ZZEF1: variants seen among roughly 807,000 people sequenced by gnomAD.
ZZEF1 encodes the protein zinc finger ZZ-type and EF-hand domain containing 1, also known as zinc finger ZZ-type and EF-hand domain-containing protein 1.
A neutral mutation model predicts 342.8 loss-of-function variants in ZZEF1; 157 were observed. That is an observed-to-expected ratio of 0.46 (90% CI 0.40 to 0.52). ZZEF1 has a LOEUF of 0.52. Ranked by LOEUF, ZZEF1 falls within the 20% of genes least tolerant of loss-of-function variation. ZZEF1 has a pLI of 0.00. For synonymous variants in ZZEF1, 1,505 were observed against 1,429.1 expected, an observed-to-expected ratio of 1.05 and a Z score of -1.20; for missense variants, 3,480 against 3,725.6, an observed-to-expected ratio of 0.93 and a Z score of 1.72.
intron 34 of ZZEF1, among the ~76,000 whole-genome samples, chr17:4,052,646 C>T (rs1022207806): frequency 4.6e-5 from 7 of 152,188 alleles, no homozygotes; most frequent in South Asian, 2.1e-4. Flanking sequence ...GCAGGCAGAT[C>T]GCTTGAGTCT....
intron 1 of ZZEF1, among the ~76,000 whole-genome samples, chr17:4,133,773 G>A (rs1307254178): frequency 6.6e-6 from 1 of 151,350 alleles, no homozygotes; most frequent in African/African-American, 2.4e-5. Flanking sequence ...CCAGGCTAGA[G>A]TGCAGTAGCG....
At chr17:4,051,748 A>G (rs969560278) in intron 35 of ZZEF1, among the ~76,000 whole-genome samples, 50 of 105,020 alleles carry the variant, frequency 4.8e-4, no homozygotes, top group Non-Finnish European at 7.9e-4. Context: ...TTAACACAGG[A>G]AAAAAAAAAA....
At chr17:4,117,278 T>C in intron 2 of ZZEF1, 112 bp from the exon 3 acceptor site, 1 of 750,488 alleles carries the variant, frequency 1.3e-6, no homozygotes, top group Admixed American at 3.1e-5. Context: ...ATTAACAATC[T>C]TCATTGATAT....
intron 42 of ZZEF1, among the ~76,000 whole-genome samples, chr17:4,027,924 C>T (rs890143262): frequency 6.6e-6 from 1 of 152,114 alleles, no homozygotes; most frequent in Non-Finnish European, 1.5e-5. Flanking sequence ...CAGTCATCTT[C>T]CCACCTCACT....
At chr17:4,024,752 T>A (rs1375743505) in intron 43 of ZZEF1, among the ~76,000 whole-genome samples, 167 bp downstream of exon 43, 1 of 152,236 alleles carries the variant, frequency 6.6e-6, no homozygotes, top group Non-Finnish European at 1.5e-5. Flanking sequence ...AAAATTGTAT[T>A]TCCTCTTTGA....
chr17:4,139,423 C>T (rs555384093), intron 1 of ZZEF1, among the ~76,000 whole-genome samples: 31 of 152,300 alleles, frequency 2.0e-4, no homozygotes, highest in Non-Finnish European at 2.9e-4. Flanking sequence ...AAACGAATGA[C>T]GGAAACAACT....
At position 4,008,724 on chromosome 17, in the gene ZZEF1, A is replaced by G; in HGVS notation, c.8805+159T>C. On this transcript the variant is annotated intron_variant, in intron 54 of 54. Coordinates refer to ENST00000381638, the MANE Select transcript of ZZEF1 (RefSeq NM_015113.4). This position sits in a 1 kb window ranked among gnomAD's most constrained non-coding sequence, Gnocchi z 4.2. ...AAATGGGGCTCGTGCATGCTCTCTGAGCACCAGGAGGAAGTGACTGAACTG... is the reference window on the plus strand; with the variant it reads ...AAATGGGGCTCGTGCATGCTCTCTGGGCACCAGGAGGAAGTGACTGAACTG... 7.1e-7 allele frequency: 1 copy of G among 1,412,240 alleles called. No individual in the cohort carries two copies. The highest frequency in any genetic ancestry group is 9.2e-7 in the Non-Finnish European group (1 of 1,082,574). The allele number at this position is 1,412,240 out of a possible 1,614,324, so 87.5% of individuals were successfully genotyped here.
Position 4,066,914 on chromosome 17 carries a change from G to A in ZZEF1, c.4155+249C>T, listed in dbSNP as rs117238240. Among the ~76,000 whole-genome samples the A allele has an allele frequency of 2.0e-4, 31 of 152,170 alleles. No homozygotes were observed. The East Asian group carries it at 2.9e-3, about 14-fold the overall frequency. On this transcript the variant is annotated intron_variant, in intron 27 of 54. Coordinates refer to ENST00000381638, the MANE Select transcript of ZZEF1 (RefSeq NM_015113.4). ...CTAGTATCTAAAGCGATGCTGTTCCGCCAACTCTACGGAGTTCCACGAAGG... is the reference window on the plus strand; with the variant it reads ...CTAGTATCTAAAGCGATGCTGTTCCACCAACTCTACGGAGTTCCACGAAGG...
chr17:4,049,236 G>C lies in ZZEF1; in HGVS notation c.6015+472C>G, dbSNP rs112000833. Among the ~76,000 whole-genome samples, 659 of 152,264 alleles carry C rather than the reference G, an allele frequency of 4.3e-3. 4 individuals carry two copies. Among genetic ancestry groups the C allele is most frequent in the African/African-American group, 0.015 (635 of 41,528 alleles). On this transcript the variant is annotated intron_variant, in intron 37 of 54. Coordinates refer to ENST00000381638, the MANE Select transcript of ZZEF1 (RefSeq NM_015113.4). ...AGATGAGAAAACTGAGGCAGGCTGG[G>C]TGCAGTGGCTCATGCCTGTAATCCC...
rs1315707082 is a variant in ZZEF1, at chr17:4,014,403, T to C, written c.8258A>G (p.Gln2753Arg). The C allele has an allele frequency of 6.2e-7, 1 of 1,614,128 alleles. No homozygotes were observed. Among genetic ancestry groups the C allele is most frequent in the Non-Finnish European group, 8.5e-7 (1 of 1,180,054 alleles). ...LAMSSSSDFQ[Q>R]DRHSFSGSQQ... is the part of the protein sequence containing the mutation. ...AGACCCGCTGAAGCTGTGTCGGTCT[T>C]GCTGGAAGTCACTGCTGCTGGACAT... Residue 2753 changes from glutamine (Q) to arginine (R), a missense_variant, in exon 50 of 55, where the codon CAA becomes CGA. Transcript: ENST00000381638. The surrounding 1 kb of genome is among the most constrained non-coding windows in gnomAD (Gnocchi z 4.4).
At chr17:4,020,492 G>A (rs2144978369) in intron 45 of ZZEF1, among the ~76,000 whole-genome samples, 1 of 152,226 alleles carries the variant, frequency 6.6e-6, no homozygotes, top group East Asian at 1.9e-4. Context: ...ACAGGCGCAT[G>A]CCACACCTGG....
intron 46 of ZZEF1, among the ~76,000 whole-genome samples, chr17:4,018,324 C>A (rs558040089): frequency 2.0e-5 from 3 of 151,916 alleles, no homozygotes; most frequent in Non-Finnish European, 2.9e-5. Context: ...TTGCCCGGGC[C>A]GGCCTGGAAC....
intron 17 of ZZEF1, among the ~76,000 whole-genome samples, chr17:4,081,774 T>C (rs1206866456): frequency 6.6e-6 from 1 of 152,206 alleles, no homozygotes; most frequent in Admixed American, 6.5e-5. Context: ...GAAATACACC[T>C]CATCTCACGA....
At chr17:4,066,862 C>T (rs1269504743) in intron 27 of ZZEF1, among the ~76,000 whole-genome samples, 2 of 109,772 alleles carry the variant, frequency 1.8e-5, no homozygotes, top group Non-Finnish European at 3.7e-5. Flanking sequence ...CTACGTGATG[C>T]TGAGACCTAA....
intron 51 of ZZEF1, 42 bp from the exon 52 acceptor site, chr17:4,013,656 G>GT: frequency 6.5e-7 from 1 of 1,543,534 alleles, no homozygotes; most frequent in Non-Finnish European, 8.8e-7. Flanking sequence ...ACAGAGATAC[G>GT]TAATAAGTAA....
At chr17:4,113,403 A>G (rs1337544691) in intron 4 of ZZEF1, among the ~76,000 whole-genome samples, 2 of 152,174 alleles carry the variant, frequency 1.3e-5, no homozygotes, top group Admixed American at 6.5e-5. Flanking sequence ...ATGTATATAG[A>G]AAGAGGCCAG....
chr17:4,033,733 A>T, intron 40 of ZZEF1: 1 of 426,484 alleles, frequency 2.3e-6, no homozygotes, highest in Non-Finnish European at 4.2e-6. Context: ...TTCAACCTCA[A>T]GGCCCACACT....
In ZZEF1 at chr17:4,113,587, C is replaced by A. The variant is rs111396846; in HGVS notation, c.866+712G>T. The stretch of plus-strand genomic sequence containing the variant: ...GGCTGAGGCAGGAGAATCGCTTGAG[C>A]CTTGGAGATGGAGGTTGCAGTGAAC... On this transcript the variant is annotated intron_variant, in intron 4 of 54. Transcript: ENST00000381638. Among the ~76,000 whole-genome samples the A allele has an allele frequency of 7.6e-4, 116 of 151,988 alleles. 2 individuals carry two copies. The highest frequency in any genetic ancestry group is 2.7e-3 in the African/African-American group (110 of 41,402).
chr17:4,061,072 T>C (rs916111648), intron 30 of ZZEF1, among the ~76,000 whole-genome samples: 2 of 152,258 alleles, frequency 1.3e-5, no homozygotes, highest in Non-Finnish European at 2.9e-5. Flanking sequence ...ACTAAATGTC[T>C]GTAGTCTCTC....
Sources: allele counts gnomAD v4.1 joint callset (sites outside exome capture counted in the v4.1 genomes callset), GRCh38; gene constraint gnomAD v4.1.1; non-coding constraint Gnocchi (gnomAD v3.1); transcripts MANE v1.5; gene names NCBI Gene and HGNC (gene_info 2026-07-23, HGNC 2026-07-21).